SAMD4B: variants seen among roughly 807,000 people sequenced by gnomAD.
SAMD4B encodes sterile alpha motif domain containing 4B, also known as protein Smaug homolog 2.
SAMD4B carries 5 observed loss-of-function variants against 74.5 expected under a neutral mutation model. The ratio of observed to expected loss-of-function variants is 0.07; its 90% CI spans 0.04 to 0.14. The LOEUF is 0.14. Ranked by LOEUF, SAMD4B falls within the 10% of genes least tolerant of loss-of-function variation. The probability of loss-of-function intolerance (pLI) is 1.00; values close to 1 mark genes in which losing one functional copy is unlikely to be tolerated. For missense variants in SAMD4B, 608 were observed against 921.8 expected, an observed-to-expected ratio of 0.66 and a Z score of 4.41; for synonymous variants, 373 against 374.9, an observed-to-expected ratio of 1.00 and a Z score of 0.06.
chr19:39,381,149 A>G, intron 12 of SAMD4B, 36 bp downstream of exon 12: 2 of 1,551,188 alleles, frequency 1.3e-6, no homozygotes, highest in Non-Finnish European at 1.7e-6. Flanking sequence ...TGCCTGGCCA[A>G]CATCCTCAGC....
At chr19:39,347,517 G>C (rs1178286104) in intron 1 of SAMD4B, among the ~76,000 whole-genome samples, 1 of 152,072 alleles carries the variant, frequency 6.6e-6, no homozygotes, top group Non-Finnish European at 1.5e-5. Flanking sequence ...TGATTGTTTG[G>C]GTCTAGAGAG....
At chr19:39,364,008 C>T (rs934153537) in intron 3 of SAMD4B, among the ~76,000 whole-genome samples, 6 of 152,234 alleles carry the variant, frequency 3.9e-5, no homozygotes, top group African/African-American at 1.4e-4. Flanking sequence ...TTCCAGTGCT[C>T]ACTGATGCTT....
rs186905187 is a variant in SAMD4B, at chr19:39,368,768, C to T, written c.197-887C>T. 2.0e-5 allele frequency among the ~76,000 whole-genome samples: 3 copies of T among 152,334 alleles called. No individual in the cohort carries two copies. In the East Asian group the frequency reaches 5.8e-4, roughly 29 times the overall value. ...AACCACTTTGTGTTCTTTGCTAGCTCATTGAATCTCAAAGCAACACTGTGA... is the reference window on the plus strand; with the variant it reads ...AACCACTTTGTGTTCTTTGCTAGCTTATTGAATCTCAAAGCAACACTGTGA... On this transcript the variant is annotated intron_variant, in intron 3 of 13. Coordinates refer to ENST00000610417, the MANE Select transcript of SAMD4B (RefSeq NM_001384574.2).
intron 2 of SAMD4B, among the ~76,000 whole-genome samples, chr19:39,354,995 C>T (rs1012296336): frequency 6.6e-6 from 1 of 152,184 alleles, no homozygotes; most frequent in Non-Finnish European, 1.5e-5. Flanking sequence ...CCCTCAGCCC[C>T]CCAAGTCACT....
At chr19:39,357,247 C>A (rs1366763865) in intron 3 of SAMD4B, among the ~76,000 whole-genome samples, 158 bp downstream of exon 3, 1 of 152,076 alleles carries the variant, frequency 6.6e-6, no homozygotes, top group African/African-American at 2.4e-5. Flanking sequence ...CATCATGGGT[C>A]TTCTGGGACT....
At chr19:39,343,994 C>A (rs939571185) in intron 1 of SAMD4B, among the ~76,000 whole-genome samples, 2 of 35,548 alleles carry the variant, frequency 5.6e-5, no homozygotes, top group Admixed American at 2.3e-4. Flanking sequence ...CCCCCCCCCC[C>A]ACACACACAC....
chr19:39,380,737 C>CCCTCGA lies in SAMD4B; in HGVS notation c.1802_1807dup (p.Pro601_Arg602dup). 6.2e-7 allele frequency: 1 copy of CCCTCGA among 1,601,034 alleles called. No homozygotes were observed. Among genetic ancestry groups the CCCTCGA allele is most frequent in the Non-Finnish European group, 8.5e-7 (1 of 1,173,314 alleles). On this transcript the variant is annotated inframe_insertion, in exon 11 of 14. Coordinates refer to ENST00000610417, the MANE Select transcript of SAMD4B (RefSeq NM_001384574.2). ...GCCCCTCGGGCATTGGGGGTGTCTC[C>CCCTCGA]CCTCGACATGCCCTCACCAGCCCCA... is the stretch of plus-strand genomic sequence containing the variant.
chr19:39,378,522 T>TGTC lies in SAMD4B; in HGVS notation c.1464_1466dup (p.Ser489dup). 6.2e-7 allele frequency: 1 copy of TGTC among 1,614,014 alleles called. No homozygotes were observed. The highest frequency in any genetic ancestry group is 8.5e-7 in the Non-Finnish European group (1 of 1,179,946). ...CCCCCAGTGTGCACCCAACTGCTGG[T>TGTC]GTCCCGACCAGACGAGGAGAACATC... On this transcript the variant is annotated inframe_insertion, in exon 9 of 14. Transcript: ENST00000610417. The surrounding 1 kb of genome is among the most constrained non-coding windows in gnomAD (Gnocchi z 4.4).
In SAMD4B at chr19:39,378,566, A is replaced by T; in HGVS notation, c.1507A>T (p.Ile503Phe). 2 of 1,613,390 alleles carry T rather than the reference A, an allele frequency of 1.2e-6. No homozygotes were observed. Among genetic ancestry groups the T allele is most frequent in the Non-Finnish European group, 1.7e-6 (2 of 1,179,416 alleles). Reference sequence around the variant, plus strand: ...GAACATCACCAGTTACCTCCAGCTCATCGAAAAGTGCCTGACTCATGAGGT... The same window carrying T: ...GAACATCACCAGTTACCTCCAGCTCTTCGAAAAGTGCCTGACTCATGAGGT... Reference protein sequence around the residue: ...EENITSYLQLIEKCLTHEAFT... With the variant: ...EENITSYLQLFEKCLTHEAFT... The change falls in exon 9 of 14, where the codon ATC (isoleucine) becomes TTC (phenylalanine). Residue 503 changes from isoleucine to phenylalanine, a missense_variant. Coordinates refer to ENST00000610417, the MANE Select transcript of SAMD4B (RefSeq NM_001384574.2). This position sits in a 1 kb window ranked among gnomAD's most constrained non-coding sequence, Gnocchi z 4.4.
chr19:39,381,405 C>T (rs889172051), intron 12 of SAMD4B: 3 of 298,216 alleles, frequency 1.0e-5, no homozygotes, highest in Non-Finnish European at 6.3e-6. Flanking sequence ...CTGTGTTGCT[C>T]TTTGTCATCA....
At chr19:39,385,938 T>C (rs773698899), downstream of SAMD4B, 86 of 1,603,122 alleles carry the variant, frequency 5.4e-5, no homozygotes, top group Non-Finnish European at 7.2e-5. Flanking sequence ...ACTAGAAAAG[T>C]GCTTTGCTGC....
intron 3 of SAMD4B, among the ~76,000 whole-genome samples, chr19:39,362,878 G>A (rs571950938): frequency 6.6e-6 from 1 of 152,182 alleles, no homozygotes; most frequent in South Asian, 2.1e-4. Context: ...CTGAGGTCAG[G>A]AGGGGCAATG....
chr19:39,368,780 A>G (rs1000288087), intron 3 of SAMD4B, among the ~76,000 whole-genome samples: 32 of 152,308 alleles, frequency 2.1e-4, no homozygotes, highest in Admixed American at 1.9e-3. Context: ...TTGAATCTCA[A>G]AGCAACACTG....
rs2078138391 is a variant in SAMD4B at position 39,383,633 on chromosome 19, A to G, written c.*106A>G. 35 of 1,609,224 alleles carry G rather than the reference A, an allele frequency of 2.2e-5. 1 individual carries two copies. In the South Asian group the frequency reaches 3.6e-4, roughly 17 times the overall value. ...CGAGAGGGTGGGCTGGCTCAGCTATATATTCTAATATTTTTCTACTCTCTT... is the reference window on the plus strand; with the variant it reads ...CGAGAGGGTGGGCTGGCTCAGCTATGTATTCTAATATTTTTCTACTCTCTT... On this transcript the variant is annotated 3_prime_UTR_variant, in exon 14 of 14. Transcript: ENST00000610417. This position sits in a 1 kb window ranked among gnomAD's most constrained non-coding sequence, Gnocchi z 4.1.
rs1379970779 is a variant in SAMD4B at position 39,383,692 on chromosome 19, C to G, written c.*165C>G. ...AACTTTTGTTTAACATTGGCACATG[C>G]CTTGCTCACTCCCAGGCCCGTCGAG... On this transcript the variant is annotated 3_prime_UTR_variant, in exon 14 of 14. Coordinates refer to ENST00000610417, the MANE Select transcript of SAMD4B (RefSeq NM_001384574.2). This position sits in a 1 kb window ranked among gnomAD's most constrained non-coding sequence, Gnocchi z 4.1. 6.5e-7 allele frequency: 1 copy of G among 1,545,750 alleles called. No individual in the cohort carries two copies. The highest frequency in any genetic ancestry group is 8.7e-7 in the Non-Finnish European group (1 of 1,150,802).
rs764557794 is a variant in SAMD4B at position 39,383,351 on chromosome 19, C to T, written c.2056+60C>T. 32 of 1,587,802 alleles carry T rather than the reference C, an allele frequency of 2.0e-5. No individual in the cohort carries two copies. Among genetic ancestry groups the T allele is most frequent in the Non-Finnish European group, 2.3e-5 (27 of 1,156,104 alleles). On this transcript the variant is annotated intron_variant, in intron 13 of 13. Transcript: ENST00000610417. The surrounding 1 kb of genome is among the most constrained non-coding windows in gnomAD (Gnocchi z 4.1). ...CCTACCCAGCGTCTCTGCCTCTGAA[C>T]TGAGCAACTCAGAGTCATCCTGAGG...
chr19:39,357,458 G>A (rs1036957954), intron 3 of SAMD4B, among the ~76,000 whole-genome samples: 4 of 152,142 alleles, frequency 2.6e-5, no homozygotes, highest in African/African-American at 9.7e-5. Flanking sequence ...GGCTAGGAGG[G>A]AATTTGAGAA....
At chr19:39,386,133 C>T (rs1296207151), downstream of SAMD4B, 15 of 1,614,014 alleles carry the variant, frequency 9.3e-6, no homozygotes, top group East Asian at 2.2e-5. This position sits in a 1 kb window ranked among gnomAD's most constrained non-coding sequence, Gnocchi z 6.1. Flanking sequence ...CCCATTGCTG[C>T]CGCTGTCTGA....
chr19:39,378,637 G>C lies in SAMD4B; in HGVS notation c.1530+48G>C, dbSNP rs1290882798. 6 of 1,546,310 alleles carry C rather than the reference G, an allele frequency of 3.9e-6. No individual in the cohort carries two copies. The highest frequency in any genetic ancestry group is 5.4e-6 in the Non-Finnish European group (6 of 1,120,618). ...CAAAAAGGGAAAGGCGGCCAGGCGT[G>C]GTGGTTCACGCCTGTAGTCCCAGCA... is the stretch of plus-strand genomic sequence containing the variant. On this transcript the variant is annotated intron_variant, in intron 9 of 13. Transcript: ENST00000610417. This position sits in a 1 kb window ranked among gnomAD's most constrained non-coding sequence, Gnocchi z 4.4.
Sources: gnomAD v4.1 joint callset for allele counts (sites outside exome capture counted in the v4.1 genomes callset) on GRCh38, gnomAD v4.1.1 for gene constraint, Gnocchi (gnomAD v3.1) non-coding constraint, MANE v1.5 for transcripts, NCBI Gene and HGNC (gene_info 2026-07-23, HGNC 2026-07-21) for gene names.